RAB40B: variants seen among roughly 807,000 people sequenced by gnomAD.
RAB40B encodes the protein ras-related protein Rab-40B.
In RAB40B, 21 loss-of-function variants were observed where a neutral mutation model predicts 24.0. The ratio of observed to expected loss-of-function variants is 0.88; its 90% CI spans 0.62 to 1.26. The LOEUF (loss-of-function observed/expected upper bound fraction) is 1.26. Among genes scored for constraint, RAB40B ranks in the 50% most tolerant of loss-of-function variants. The pLI, the probability that RAB40B is intolerant of heterozygous loss-of-function variation, is 0.00. For missense variants in RAB40B, 348 were observed against 390.5 expected (o/e 0.89, Z 0.92); for synonymous variants, 167 against 169.8 (o/e 0.98, Z 0.13).
intron 1 of RAB40B, among the ~76,000 whole-genome samples, chr17:82,696,029 T>C (rs1049327494): frequency 6.6e-6 from 1 of 151,722 alleles, no homozygotes; most frequent in Non-Finnish European, 1.5e-5. Context: ...GACACCATGC[T>C]CGGCTAATTT....
rs547847152 is a variant in RAB40B, at chr17:82,675,100, C to A, written c.143-10544G>T. 6.6e-6 allele frequency among the ~76,000 whole-genome samples: 1 copy of A among 152,188 alleles called. No homozygotes were observed. Among genetic ancestry groups the A allele is most frequent in the Non-Finnish European group, 1.5e-5 (1 of 68,040 alleles). Reference sequence around the variant, plus strand: ...AGAGAGAGAAAACATCTGACACCCCCTAAACTGGGAAAAGCTACAAAGGAT... The same window carrying A: ...AGAGAGAGAAAACATCTGACACCCCATAAACTGGGAAAAGCTACAAAGGAT... On this transcript the variant is annotated intron_variant, in intron 1 of 5. Coordinates refer to ENST00000571995, the MANE Select transcript of RAB40B (RefSeq NM_006822.3). This position sits in a 1 kb window ranked among gnomAD's most constrained non-coding sequence, Gnocchi z 4.5.
chr17:82,674,571 G>A (rs1234574370), intron 1 of RAB40B, among the ~76,000 whole-genome samples: 113 of 145,894 alleles, frequency 7.7e-4, no homozygotes, highest in African/African-American at 2.5e-3. Flanking sequence ...CCCAGGAGGC[G>A]GAGCTTGCAG....
At position 82,675,381 on chromosome 17, in the gene RAB40B, GT is replaced by G. The variant is rs2046384948; in HGVS notation, c.143-10826del. Among the ~76,000 whole-genome samples, 1 of 152,170 alleles carries G rather than the reference GT, an allele frequency of 6.6e-6. No homozygotes were observed. The highest frequency in any genetic ancestry group is 2.4e-5 in the African/African-American group (1 of 41,436). On this transcript the variant is annotated intron_variant, in intron 1 of 5. Coordinates refer to ENST00000571995, the MANE Select transcript of RAB40B (RefSeq NM_006822.3). The surrounding 1 kb of genome is among the most constrained non-coding windows in gnomAD (Gnocchi z 4.5). Reference sequence around the variant, plus strand: ...GGACAATGACAGCCGCCTGTCTGACGTGGTCTCCACCAAGCGCTGGCTTCCT... The same window carrying G: ...GGACAATGACAGCCGCCTGTCTGACGGGTCTCCACCAAGCGCTGGCTTCCT...
chr17:82,695,523 T>C (rs2046600512), intron 1 of RAB40B, among the ~76,000 whole-genome samples: 1 of 149,156 alleles, frequency 6.7e-6, no homozygotes, highest in African/African-American at 2.5e-5. Flanking sequence ...ACCTATAGTG[T>C]TTCTCAGCGA....
intron 1 of RAB40B, among the ~76,000 whole-genome samples, chr17:82,690,250 T>C (rs1180775103): frequency 6.6e-6 from 1 of 150,808 alleles, no homozygotes; most frequent in Non-Finnish European, 1.5e-5. Flanking sequence ...GCACACGTGT[T>C]CTCGGGGAGC....
At position 82,655,193 on chromosome 17, in the gene RAB40B, T is replaced by A. The variant is rs560462863; in HGVS notation, c.*2670A>T. 1 of 152,234 alleles carries A rather than the reference T, an allele frequency of 6.6e-6. No individual in the cohort carries two copies. The highest frequency in any genetic ancestry group is 2.4e-5 in the African/African-American group (1 of 41,536). 9.4% of individuals were successfully genotyped at this position (152,234 alleles called of 1,614,324 possible). On this transcript the variant is annotated 3_prime_UTR_variant, in exon 6 of 6. Coordinates refer to ENST00000571995, the MANE Select transcript of RAB40B (RefSeq NM_006822.3). ...ACTTAAATAACAAATATTTATTTTC[T>A]CGTAGCTCTGGAAGCCGGAAGTCCA...
intron 4 of RAB40B, 169 bp from the exon 5 acceptor site, chr17:82,658,882 G>A (rs561048057): frequency 2.9e-5 from 18 of 620,036 alleles, no homozygotes; most frequent in Middle Eastern, 4.4e-4. Flanking sequence ...AAATAGTTAC[G>A]GTGCGGCCGC....
At chr17:82,664,752 T>C (rs1241089181) in intron 1 of RAB40B, 196 bp from the exon 2 acceptor site, 1 of 562,326 alleles carries the variant, frequency 1.8e-6, no homozygotes, top group East Asian at 3.1e-5. Context: ...GGGCCCCTCC[T>C]GTCCTCAGCC....
intron 1 of RAB40B, among the ~76,000 whole-genome samples, chr17:82,688,712 T>A (rs1011795072): frequency 5.6e-4 from 85 of 151,920 alleles, no homozygotes; most frequent in Admixed American, 2.3e-3. Flanking sequence ...GGCAGGTGGA[T>A]CACCTGAGGT....
Position 82,663,936 on chromosome 17 carries a change from C to T in RAB40B, c.203+560G>A, listed in dbSNP as rs2046209492. On this transcript the variant is annotated intron_variant, in intron 2 of 5. Coordinates refer to ENST00000571995, the MANE Select transcript of RAB40B (RefSeq NM_006822.3). This position sits in a 1 kb window ranked among gnomAD's most constrained non-coding sequence, Gnocchi z 6.2. ...GGACCACCACCTCCTTCAGAGAAGC[C>T]CTGGTGCAGCTGGGGCTGGGGGTGC... Among the ~76,000 whole-genome samples, 1 of 152,098 alleles carries T rather than the reference C, an allele frequency of 6.6e-6. No homozygotes were observed. Among genetic ancestry groups the T allele is most frequent in the Non-Finnish European group, 1.5e-5 (1 of 68,006 alleles).
At chr17:82,682,287 G>A (rs920360268) in intron 1 of RAB40B, among the ~76,000 whole-genome samples, 2 of 152,004 alleles carry the variant, frequency 1.3e-5, no homozygotes, top group Admixed American at 1.3e-4. Context: ...TAAACAATCA[G>A]AAATTGAAAT....
intron 1 of RAB40B, among the ~76,000 whole-genome samples, chr17:82,674,086 A>G (rs2046368467): frequency 6.6e-6 from 1 of 152,264 alleles, no homozygotes; most frequent in African/African-American, 2.4e-5. Flanking sequence ...CGCGCCTGTA[A>G]TCCCAGCACT....
chr17:82,658,245 G>A, intron 5 of RAB40B, 111 bp from the exon 6 acceptor site: 1 of 1,437,406 alleles, frequency 7.0e-7, no homozygotes, highest in Non-Finnish European at 9.3e-7. Flanking sequence ...GACGCCCGTG[G>A]CCCTGGCTTG....
At chr17:82,691,177 CT>C (rs910170317) in intron 1 of RAB40B, among the ~76,000 whole-genome samples, 5 of 152,204 alleles carry the variant, frequency 3.3e-5, no homozygotes, top group African/African-American at 1.2e-4. Context: ...ATGATTCCCC[CT>C]CTCAGTAAGT....
rs744991 is a variant in RAB40B at position 82,655,541 on chromosome 17, G to T, written c.*2322C>A. ...TCCATTTCCTTACCCTTCACCATCA[G>T]CGAGCTGGGAACGGAGGGAGAAGAG... On this transcript the variant is annotated 3_prime_UTR_variant, in exon 6 of 6. Coordinates refer to ENST00000571995, the MANE Select transcript of RAB40B (RefSeq NM_006822.3). 1 of 152,130 alleles carries T rather than the reference G, an allele frequency of 6.6e-6. No individual in the cohort carries two copies. Among genetic ancestry groups the T allele is most frequent in the African/African-American group, 2.4e-5 (1 of 41,392 alleles). 9.4% of individuals were successfully genotyped at this position (152,130 alleles called of 1,614,324 possible).
chr17:82,690,877 A>C (rs982213576), intron 1 of RAB40B, among the ~76,000 whole-genome samples: 2 of 152,066 alleles, frequency 1.3e-5, no homozygotes, highest in African/African-American at 4.8e-5. Context: ...CGGAGTGTGC[A>C]CGTTTGCCCC....
At chr17:82,664,444 A>G in intron 2 of RAB40B, 52 bp downstream of exon 2, 3 of 1,580,820 alleles carry the variant, frequency 1.9e-6, no homozygotes, top group Non-Finnish European at 2.6e-6. Flanking sequence ...TATGCCAGCC[A>G]GGGGGGTTAC....
chr17:82,672,408 C>A (rs895030900), intron 1 of RAB40B, among the ~76,000 whole-genome samples: 1 of 135,300 alleles, frequency 7.4e-6, no homozygotes, highest in African/African-American at 2.7e-5. Context: ...CACACTCACA[C>A]GCTCCCTGTA....
At chr17:82,680,278 A>C (rs1417460471) in intron 1 of RAB40B, among the ~76,000 whole-genome samples, 3 of 152,092 alleles carry the variant, frequency 2.0e-5, no homozygotes, top group African/African-American at 7.2e-5. Flanking sequence ...TGGCCATAGG[A>C]TCCAGTCCTG....
Sources: allele counts gnomAD v4.1 joint callset (sites outside exome capture counted in the v4.1 genomes callset), GRCh38; gene constraint gnomAD v4.1.1; non-coding constraint Gnocchi (gnomAD v3.1); transcripts MANE v1.5; gene names NCBI Gene and HGNC (gene_info 2026-07-23, HGNC 2026-07-21).